IL1R1: variants seen among roughly 807,000 people sequenced by gnomAD.
The protein encoded by IL1R1 is interleukin 1 receptor type 1, also known as interleukin-1 receptor type 1.
In IL1R1, 22 loss-of-function variants were observed where a neutral mutation model predicts 50.2. The ratio of observed to expected loss-of-function variants is 0.44; its 90% CI spans 0.31 to 0.63. The LOEUF is 0.63. Ranked by LOEUF, IL1R1 falls within the 20% of genes least tolerant of loss-of-function variation. The probability of loss-of-function intolerance (pLI) is 0.07; values close to 1 mark genes in which losing one functional copy is unlikely to be tolerated. For missense variants in IL1R1, 509 were observed against 676.2 expected (o/e 0.75, Z 2.74); for synonymous variants, 251 against 236.7 (o/e 1.06, Z -0.55).
intron 1 of IL1R1, among the ~76,000 whole-genome samples, chr2:102,076,264 G>A (rs1173116598): frequency 4.8e-5 from 7 of 145,002 alleles, no homozygotes; most frequent in African/African-American, 7.7e-5. Flanking sequence ...TGCAAGCTCC[G>A]CCTCCCAGGT....
At chr2:102,162,484 T>C (rs1021624127) in intron 3 of IL1R1, among the ~76,000 whole-genome samples, 1 of 152,138 alleles carries the variant, frequency 6.6e-6, no homozygotes, top group Non-Finnish European at 1.5e-5. Context: ...TTTTTTTCTC[T>C]TTTTTTGCTG....
upstream of IL1R1, among the ~76,000 whole-genome samples, chr2:102,101,787 T>A (rs1413971672): frequency 6.6e-6 from 1 of 152,224 alleles, no homozygotes; most frequent in Non-Finnish European, 1.5e-5. Flanking sequence ...ATAGTTTAAA[T>A]GTTAAAAGCT....
At chr2:102,132,653 T>C (rs1004978591) in intron 1 of IL1R1, among the ~76,000 whole-genome samples, 10 of 152,210 alleles carry the variant, frequency 6.6e-5, no homozygotes, top group African/African-American at 2.4e-4. Context: ...AAAGCTTTGA[T>C]GTCATTTGAT....
chr2:102,159,229 T>A (rs1439448506), intron 3 of IL1R1, among the ~76,000 whole-genome samples: 1 of 152,238 alleles, frequency 6.6e-6, no homozygotes, highest in African/African-American at 2.4e-5. Flanking sequence ...AGCAAGCGGC[T>A]GGTATGAGAA....
intron 2 of IL1R1, among the ~76,000 whole-genome samples, chr2:102,154,338 C>T (rs902805768): frequency 6.6e-6 from 1 of 152,160 alleles, no homozygotes; most frequent in African/African-American, 2.4e-5. Flanking sequence ...GCCTTGCTGT[C>T]CATTTTTACT....
intron 1 of IL1R1, among the ~76,000 whole-genome samples, chr2:102,147,712 G>A (rs1187461026): frequency 3.3e-5 from 5 of 152,210 alleles, no homozygotes; most frequent in Middle Eastern, 3.4e-3. Context: ...ATCTGGTGAC[G>A]GTGATCCTGT....
intron 1 of IL1R1, among the ~76,000 whole-genome samples, chr2:102,099,014 A>G (rs1680021461): frequency 6.6e-6 from 1 of 152,216 alleles, no homozygotes; most frequent in African/African-American, 2.4e-5. Context: ...TACCAGTAAG[A>G]CATCATCTTA....
chr2:102,091,647 G>C (rs1426831620), intron 1 of IL1R1, among the ~76,000 whole-genome samples: 1 of 152,082 alleles, frequency 6.6e-6, no homozygotes, highest in Non-Finnish European at 1.5e-5. Context: ...GTTCTCTCTT[G>C]TAACTACTTT....
intron 1 of IL1R1, among the ~76,000 whole-genome samples, chr2:102,152,060 G>A (rs1683714274): frequency 6.6e-6 from 1 of 152,122 alleles, no homozygotes; most frequent in African/African-American, 2.4e-5. Flanking sequence ...ACCTAGGAGG[G>A]ATAGTGGCCT....
At chr2:102,089,032 C>G (rs753594307) in intron 1 of IL1R1, among the ~76,000 whole-genome samples, 2 of 152,188 alleles carry the variant, frequency 1.3e-5, no homozygotes, top group Non-Finnish European at 2.9e-5. Context: ...GAAACTTTCT[C>G]CATATCAACA....
At chr2:102,113,621 G>A (rs912110802) in intron 1 of IL1R1, among the ~76,000 whole-genome samples, 4 of 152,150 alleles carry the variant, frequency 2.6e-5, no homozygotes, top group African/African-American at 7.2e-5. Context: ...CATTACTTGC[G>A]ATTTTATTTG....
intron 1 of IL1R1, among the ~76,000 whole-genome samples, chr2:102,114,631 T>A (rs1187516517): frequency 6.6e-6 from 1 of 152,238 alleles, no homozygotes; most frequent in Non-Finnish European, 1.5e-5. Context: ...TTACACTCGG[T>A]ATCACTCACT....
At chr2:102,086,736 C>T (rs147746589) in intron 1 of IL1R1, among the ~76,000 whole-genome samples, 402 of 152,192 alleles carry the variant, frequency 2.6e-3, no homozygotes, top group Non-Finnish European at 4.7e-3. Context: ...TGTTTTTAAA[C>T]GTTATCTAGC....
chr2:102,088,833 C>G (rs926034305), intron 1 of IL1R1, among the ~76,000 whole-genome samples: 1 of 152,232 alleles, frequency 6.6e-6, no homozygotes, highest in Non-Finnish European at 1.5e-5. Flanking sequence ...TCATCTTGCA[C>G]TTTTGTGTTA....
intron 1 of IL1R1, among the ~76,000 whole-genome samples, chr2:102,143,428 G>C (rs1188395362): frequency 6.6e-6 from 1 of 152,190 alleles, no homozygotes; most frequent in African/African-American, 2.4e-5. Flanking sequence ...AGGGTAACTT[G>C]TTGCCCCTCC....
intron 1 of IL1R1, among the ~76,000 whole-genome samples, chr2:102,082,816 G>A (rs1679272777): frequency 6.6e-6 from 1 of 152,126 alleles, no homozygotes. Flanking sequence ...TGCTAGCCTC[G>A]CTGTAACCTC....
chr2:102,110,252 G>A (rs1462216778), intron 1 of IL1R1, among the ~76,000 whole-genome samples: 1 of 152,126 alleles, frequency 6.6e-6, no homozygotes, highest in Non-Finnish European at 1.5e-5. Flanking sequence ...GCCTCTTAAT[G>A]GACAGTTGGA....
chr2:102,162,483 C>G (rs556768134), intron 3 of IL1R1, among the ~76,000 whole-genome samples: 1 of 151,474 alleles, frequency 6.6e-6, no homozygotes, highest in East Asian at 1.9e-4. Context: ...ATTTTTTTCT[C>G]TTTTTTTGCT....
intron 9 of IL1R1, among the ~76,000 whole-genome samples, chr2:102,174,306 T>C (rs1048074656): frequency 6.6e-6 from 1 of 152,230 alleles, no homozygotes; most frequent in Non-Finnish European, 1.5e-5. Context: ...CCTGTTTTAC[T>C]GTGGAATGCT....
Sources: gnomAD v4.1 joint callset for allele counts (sites outside exome capture counted in the v4.1 genomes callset) on GRCh38, gnomAD v4.1.1 for gene constraint, MANE v1.5 for transcripts, NCBI Gene and HGNC (gene_info 2026-07-23, HGNC 2026-07-21) for gene names.